The following RBMXL3 variants were observed in gnomAD, a reference collection of about 807,000 sequenced individuals.
RBMXL3 encodes RNA-binding motif protein, X-linked-like-3.
Under a neutral mutation model 0.8 loss-of-function variants are expected in RBMXL3, and 2 were observed. The ratio of observed to expected loss-of-function variants is 2.54; its 90% CI spans 1.04 to 8.00. The LOEUF (loss-of-function observed/expected upper bound fraction) is 8.00, where lower values mean the gene tolerates loss of function less well. RBMXL3 is among the 30% of genes most tolerant of loss of function. The pLI is 0.04. For synonymous variants in RBMXL3, 447 were observed against 449.8 expected (o/e 0.99, Z 0.08); for missense variants, 1,127 against 1,068.0 (o/e 1.06, Z -0.77).
chrX:115,190,630 C>CCCAACGCCCACAGCGGAGGCCGCTCGA lies in RBMXL3; in HGVS notation c.1191_1192insAACGCCCACAGCGGAGGCCGCTCGACC (p.Pro397_Asp398insAsnAlaHisSerGlyGlyArgSerThr), dbSNP rs1556557673. The stretch of plus-strand genomic sequence containing the variant: ...CTACGAGGAGTACAGAGGCCGCTCG[C>CCCAACGCCCACAGCGGAGGCCGCTCGA]CCGACGCCCACAGCGGGGGCCGCAA... On this transcript the variant is annotated inframe_insertion, in exon 1 of 1. Transcript: ENST00000424776. 8.6e-7 allele frequency: 1 copy of CCCAACGCCCACAGCGGAGGCCGCTCGA among 1,157,220 alleles called. No individual in the cohort carries two copies. Among genetic ancestry groups the CCCAACGCCCACAGCGGAGGCCGCTCGA allele is most frequent in the African/African-American group, 1.8e-5 (1 of 55,930 alleles).
At position 115,192,045 on chromosome X, in the gene RBMXL3, G is replaced by A. The variant is rs376362381; in HGVS notation, c.2604G>A (p.Ser868=). ...ACTACGAAGAGTACCGAGGCCGCTC[G>A]CACGACACCCACAGCAGGGGCCGAT... ...GGHYEEYRGR[S]HDTHSRGRSP... Residue 868 remains serine (S), a synonymous_variant, in exon 1 of 1, where the codon TCG becomes TCA. Transcript: ENST00000424776. 4.0e-4 allele frequency: 463 copies of A among 1,165,447 alleles called. No individual in the cohort carries two copies. Among genetic ancestry groups the A allele is most frequent in the Non-Finnish European group, 5.1e-4 (448 of 872,480 alleles).
Position 115,191,708 on chromosome X carries a change from T to C in RBMXL3, c.2267T>C (p.Leu756Ser), listed in dbSNP as rs1440058324. The change falls in exon 1 of 1, where the codon TTG becomes TCG. Residue 756 changes from leucine to serine, a missense_variant. Leu to Ser is a moderately radical substitution (Grantham distance 145, BLOSUM62 -2). Transcript: ENST00000424776. ...RSLDANSSGR[L>S]PDAYSGGHDS... ...CTCGATGCCAACAGCAGTGGCCGCT[T>C]GCCTGACGCCTACAGTGGGGGCCAT... 8.8e-7 allele frequency: 1 copy of C among 1,130,237 alleles called. No homozygotes were observed. Among genetic ancestry groups the C allele is most frequent in the Non-Finnish European group, 1.2e-6 (1 of 857,086 alleles). The allele number at this position is 1,130,237 out of a possible 1,213,427, so 93.1% of individuals were successfully genotyped here.
chrX:115,189,961 G>T lies in RBMXL3; in HGVS notation c.520G>T (p.Val174Phe). 1 of 1,162,782 alleles carries T rather than the reference G, an allele frequency of 8.6e-7. No homozygotes were observed. Among genetic ancestry groups the T allele is most frequent in the Non-Finnish European group, 1.1e-6 (1 of 871,210 alleles). Residue 174 changes from valine to phenylalanine, a missense_variant, in exon 1 of 1, where the codon GTT becomes TTT. Val to Phe is a conservative substitution (Grantham distance 50). Transcript: ENST00000424776. ...RATPSSLAHS[V>F]GCGMRGKAPT... ...CACGCCGTCGAGCCTGGCTCACAGC[G>T]TTGGCTGTGGAATGCGCGGGAAGGC...
chrX:115,192,308 C>T lies in RBMXL3; in HGVS notation c.2867C>T (p.Ser956Leu), dbSNP rs183155341. 9.3e-4 allele frequency: 1,082 copies of T among 1,157,611 alleles called. 4 individuals are homozygous for T. In the African/African-American group the frequency reaches 0.017, roughly 18 times the overall value. ...GGRYEEYRGP[S>L]PDAHSGGRDS... ...CGCTACGAGGAGTACCGAGGCCCCT[C>T]GCCTGACGCCCACAGTGGGGGCCGC... is the stretch of plus-strand genomic sequence containing the variant. The change falls in exon 1 of 1, where the codon TCG (serine) becomes TTG (leucine). Residue 956 changes from serine to leucine, a missense_variant. By Grantham distance (145) the Ser-to-Leu change is moderately radical. Coordinates refer to ENST00000424776, the MANE Select transcript of RBMXL3 (RefSeq NM_001145346.2).
Position 115,190,526 on chromosome X carries a change from C to A in RBMXL3, c.1085C>A (p.Ser362Ter), listed in dbSNP as rs782544274. Reference protein sequence around the residue: ...VLPDAYSRDHSPKAYSGGRSS... With the variant: ...VLPDAYSRDH Reference sequence around the variant, plus strand: ...CCAGACGCCTACAGCAGGGACCACTCGCCCAAAGCCTATAGTGGGGGCCGC... The same window carrying A: ...CCAGACGCCTACAGCAGGGACCACTAGCCCAAAGCCTATAGTGGGGGCCGC... Residue 362 changes from serine to a stop codon, truncating the protein, a stop_gained, in exon 1 of 1, where the codon TCG becomes TAG. Transcript: ENST00000424776. LOFTEE classifies it low-confidence loss of function (END_TRUNC). 1 of 1,153,169 alleles carries A rather than the reference C, an allele frequency of 8.7e-7. No homozygotes were observed. The highest frequency in any genetic ancestry group is 2.7e-5 in the Admixed American group (1 of 37,157).
chrX:115,192,533 C>T lies in RBMXL3; in HGVS notation c.3092C>T (p.Thr1031Met), dbSNP rs782693566. 2.2e-5 allele frequency: 26 copies of T among 1,167,962 alleles called. No homozygotes were observed. The highest frequency in any genetic ancestry group is 2.4e-5 in the Non-Finnish European group (21 of 873,670). ...CGTGGGCTCCCTCTGCCCATGGAAA[C>T]GGGCAGCCCTCCCCTGCATGATTCT... The part of the protein sequence containing the change: ...PDRGLPLPME[T>M]GSPPLHDSYS... Residue 1031 changes from threonine (T) to methionine (M), a missense_variant, in exon 1 of 1, where the codon ACG becomes ATG. Transcript: ENST00000424776.
chrX:115,189,564 AG>A lies in RBMXL3; in HGVS notation c.124del (p.Asp42ThrfsTer28). ...ACATCATCAAGGTGTTCCTGATGAAAGACCGAAAAACCAACAAGTCGAGGGG... is the reference window on the plus strand; with the variant it reads ...ACATCATCAAGGTGTTCCTGATGAAAACCGAAAAACCAACAAGTCGAGGGG... ...GHIIKVFLMKDRKTNKSRGFA... is the reference protein window; with the variant it reads ...GHIIKVFLMKXRKTNKSRGFA... On this transcript the variant is annotated frameshift_variant, in exon 1 of 1. Transcript: ENST00000424776. LOFTEE classifies it low-confidence loss of function (END_TRUNC). 2 of 1,175,089 alleles carry A rather than the reference AG, an allele frequency of 1.7e-6. No individual in the cohort carries two copies. Among genetic ancestry groups the A allele is most frequent in the Non-Finnish European group, 1.1e-6 (1 of 876,424 alleles).
chrX:115,192,194 G>T lies in RBMXL3; in HGVS notation c.2753G>T (p.Gly918Val), dbSNP rs1556560938. 1 of 1,164,785 alleles carries T rather than the reference G, an allele frequency of 8.6e-7. No homozygotes were observed. The highest frequency in any genetic ancestry group is 1.8e-5 in the African/African-American group (1 of 55,394). The change falls in exon 1 of 1, where the codon GGC becomes GTC. Residue 918 changes from glycine to valine, a missense_variant. Gly to Val is a moderately radical substitution (Grantham distance 109). Coordinates refer to ENST00000424776, the MANE Select transcript of RBMXL3 (RefSeq NM_001145346.2). ...GGAGGCTGCTACGAGGAATACCAAG[G>T]CCGCTCGCCCAATGCCTACGGCGGG... ...GRGGCYEEYQ[G>V]RSPNAYGGGR...
Position 115,192,382 on chromosome X carries a change from G to C in RBMXL3, c.2941G>C (p.Gly981Arg), listed in dbSNP as rs1294059762. ...YGLSDRYGGG[G>R]HYEEYQGSLP... is the part of the protein sequence containing the mutation. ...CCTGAGCGACCGCTACGGAGGAGGA[G>C]GCCACTACGAGGAGTACCAGGGCAG... is the stretch of plus-strand genomic sequence containing the variant. Residue 981 changes from glycine to arginine, a missense_variant, in exon 1 of 1, where the codon GGC becomes CGC. By Grantham distance (125) the Gly-to-Arg change is moderately radical (BLOSUM62 -2). Transcript: ENST00000424776. 20 of 1,158,266 alleles carry C rather than the reference G, an allele frequency of 1.7e-5. No homozygotes were observed. Among genetic ancestry groups the C allele is most frequent in the Non-Finnish European group, 2.3e-5 (20 of 867,035 alleles).
Position 115,192,469 on chromosome X carries a change from C to G in RBMXL3, c.3028C>G (p.Arg1010Gly). 1.7e-6 allele frequency: 2 copies of G among 1,170,270 alleles called. No individual in the cohort carries two copies. Among genetic ancestry groups the G allele is most frequent in the South Asian group, 1.9e-5 (1 of 52,795 alleles). Residue 1010 changes from arginine to glycine, a missense_variant, in exon 1 of 1, where the codon CGC (arginine) becomes GGC (glycine). Coordinates refer to ENST00000424776, the MANE Select transcript of RBMXL3 (RefSeq NM_001145346.2). ...RSSNSYGRSD[R>G]YSRGRDRVGR... ...CAGCAACAGTTACGGCCGGAGCGAC[C>G]GCTACTCGAGGGGTCGAGACCGGGT... is the stretch of plus-strand genomic sequence containing the variant.
rs964826250 is a variant in RBMXL3 at position 115,190,272 on chromosome X, C to A, written c.831C>A (p.Gly277=). The A allele has an allele frequency of 1.6e-5, 18 of 1,151,090 alleles. No individual in the cohort carries two copies. The highest frequency in any genetic ancestry group is 2.1e-5 in the Non-Finnish European group (18 of 863,346). 94.9% of individuals were successfully genotyped at this position (1,151,090 alleles called of 1,213,427 possible). A position where few individuals can be genotyped will look rare whatever the true frequency, so the allele number is the denominator to read the frequency against. ...TCCCGGACTACCGTCCCTTGAGAGG[C>A]GACGGCAACCAAAATGGCTACAGGG... ...SSVPDYRPLR[G]DGNQNGYRGR... is the part of the protein sequence containing the mutation. The change falls in exon 1 of 1, where the codon GGC becomes GGA. Residue 277 remains glycine (G), a synonymous_variant. Coordinates refer to ENST00000424776, the MANE Select transcript of RBMXL3 (RefSeq NM_001145346.2).
Position 115,192,091 on chromosome X carries a change from G to A in RBMXL3, c.2650G>A (p.Asp884Asn). Residue 884 changes from aspartate to asparagine, a missense_variant, in exon 1 of 1, where the codon GAC becomes AAC. Coordinates refer to ENST00000424776, the MANE Select transcript of RBMXL3 (RefSeq NM_001145346.2). ...RGRSPDAHSG[D>N]HYTEAYSRGR... ...CCGATCGCCCGATGCCCACAGCGGG[G>A]ACCACTACACCGAAGCCTACAGCAG... 2 of 1,167,231 alleles carry A rather than the reference G, an allele frequency of 1.7e-6. No homozygotes were observed. Among genetic ancestry groups the A allele is most frequent in the Non-Finnish European group, 2.3e-6 (2 of 872,955 alleles).
chrX:115,192,397 T>A lies in RBMXL3; in HGVS notation c.2956T>A (p.Tyr986Asn). Reference protein sequence around the residue: ...RYGGGGHYEEYQGSLPDAYSG... With the variant: ...RYGGGGHYEENQGSLPDAYSG... ...CGGAGGAGGAGGCCACTACGAGGAGTACCAGGGCAGCTTGCCTGACGCCTA... is the reference window on the plus strand; with the variant it reads ...CGGAGGAGGAGGCCACTACGAGGAGAACCAGGGCAGCTTGCCTGACGCCTA... The change falls in exon 1 of 1, where the codon TAC (tyrosine) becomes AAC (asparagine). Residue 986 changes from tyrosine (Y) to asparagine (N), a missense_variant. By Grantham distance (143) the Tyr-to-Asn change is moderately radical. Transcript: ENST00000424776. 1 of 1,163,701 alleles carries A rather than the reference T, an allele frequency of 8.6e-7. No individual in the cohort carries two copies. Among genetic ancestry groups the A allele is most frequent in the Non-Finnish European group, 1.1e-6 (1 of 870,883 alleles).
Position 115,191,077 on chromosome X carries a change from C to A in RBMXL3, c.1636C>A (p.Arg546Ser), listed in dbSNP as rs781978689. 3 of 1,160,242 alleles carry A rather than the reference C, an allele frequency of 2.6e-6. No individual in the cohort carries two copies. The African/African-American group carries it at 5.6e-5, about 22-fold the overall frequency. ...SSSNSYGQSH[R>S]YGGEGRYEYR... ...CAGCAACAGTTACGGCCAGAGCCAC[C>A]GCTATGGAGGAGAAGGCCGCTATGA... The change falls in exon 1 of 1, where the codon CGC becomes AGC. Residue 546 changes from arginine to serine, a missense_variant. Coordinates refer to ENST00000424776, the MANE Select transcript of RBMXL3 (RefSeq NM_001145346.2).
rs782301989 is a variant in RBMXL3, at chrX:115,190,425, CT to C, written c.985del (p.Tyr329ThrfsTer178). Reference protein sequence around the residue: ...TPPSYGGGCRYEEYQGNSPDA... With the variant: ...TPPSYGGGCRXEEYQGNSPDA... ...CGCCATCTTATGGAGGAGGATGCCG[CT>C]ACGAGGAGTACCAGGGCAACTCGCC... On this transcript the variant is annotated frameshift_variant, in exon 1 of 1. Coordinates refer to ENST00000424776, the MANE Select transcript of RBMXL3 (RefSeq NM_001145346.2). LOFTEE classifies it low-confidence loss of function (END_TRUNC). 8.6e-7 allele frequency: 1 copy of C among 1,165,720 alleles called. No homozygotes were observed. The highest frequency in any genetic ancestry group is 1.9e-5 in the South Asian group (1 of 52,333).
At position 115,191,914 on chromosome X, in the gene RBMXL3, T is replaced by A. The variant is rs1438786566; in HGVS notation, c.2473T>A (p.Ser825Thr). ...CCGCTACGAGGAGAACCGAGGTCAC[T>A]CTCTCGATGCCAACAGCGGAGGCCA... The part of the protein sequence containing the change: ...GGRYEENRGH[S>T]LDANSGGHSP... The change falls in exon 1 of 1, where the codon TCT (serine) becomes ACT (threonine). Residue 825 changes from serine (S) to threonine (T), a missense_variant. Coordinates refer to ENST00000424776, the MANE Select transcript of RBMXL3 (RefSeq NM_001145346.2). The A allele has an allele frequency of 4.3e-6, 5 of 1,163,614 alleles. No individual in the cohort carries two copies. In the African/African-American group the frequency reaches 9.1e-5, roughly 21 times the overall value.
Position 115,190,432 on chromosome X carries a change from G to A in RBMXL3, c.991G>A (p.Glu331Lys). The change falls in exon 1 of 1, where the codon GAG becomes AAG. Residue 331 changes from glutamate (E) to lysine (K), a missense_variant. Physicochemically the swap from Glu to Lys is moderately conservative, Grantham distance 56 (BLOSUM62 1). Transcript: ENST00000424776. Reference protein sequence around the residue: ...PSYGGGCRYEEYQGNSPDACS... With the variant: ...PSYGGGCRYEKYQGNSPDACS... ...TTATGGAGGAGGATGCCGCTACGAG[G>A]AGTACCAGGGCAACTCGCCCGATGC... is the stretch of plus-strand genomic sequence containing the variant. 2 of 1,166,289 alleles carry A rather than the reference G, an allele frequency of 1.7e-6. No homozygotes were observed. The highest frequency in any genetic ancestry group is 3.8e-5 in the South Asian group (2 of 52,542).
chrX:115,192,825 T>C lies in RBMXL3; in HGVS notation c.*180T>C. The C allele has an allele frequency of 2.1e-6, 1 of 468,260 alleles. No individual in the cohort carries two copies. Among genetic ancestry groups the C allele is most frequent in the Admixed American group, 4.1e-5 (1 of 24,672 alleles). 38.6% of individuals were successfully genotyped at this position (468,260 alleles called of 1,213,427 possible). ...AAAACTTAAAATTAGTTTGAAATTGTTAATGTTTCTTTCAACAAGTTCTTG... is the reference window on the plus strand; with the variant it reads ...AAAACTTAAAATTAGTTTGAAATTGCTAATGTTTCTTTCAACAAGTTCTTG... On this transcript the variant is annotated 3_prime_UTR_variant, in exon 1 of 1. Transcript: ENST00000424776.
Position 115,190,633 on chromosome X carries a change from G to A in RBMXL3, c.1192G>A (p.Asp398Asn), listed in dbSNP as rs12399211. The A allele has an allele frequency of 9.5e-3, 5,468 of 577,913 alleles. 183 individuals carry two copies. In the African/African-American group the frequency reaches 0.19, roughly 21 times the overall value. 47.6% of individuals were successfully genotyped at this position (577,913 alleles called of 1,213,427 possible). A position where few individuals can be genotyped will look rare whatever the true frequency, so the allele number is the denominator to read the frequency against. Residue 398 changes from aspartate to asparagine, a missense_variant, in exon 1 of 1, where the codon GAC (aspartate) becomes AAC (asparagine). Asp to Asn is a conservative substitution (Grantham distance 23, BLOSUM62 1). Transcript: ENST00000424776. ...CGAGGAGTACAGAGGCCGCTCGCCC[G>A]ACGCCCACAGCGGGGGCCGCAACAG... ...CYEEYRGRSP[D>N]AHSGGRNSSS...
Sources: allele counts gnomAD v4.1 joint callset, GRCh38; gene constraint gnomAD v4.1.1; transcripts MANE v1.5; gene names NCBI Gene and HGNC (gene_info 2026-07-23, HGNC 2026-07-21).